FNDC3B: variants seen among roughly 807,000 people sequenced by gnomAD.
FNDC3B encodes fibronectin type III domain-containing protein 3B.
In FNDC3B, 12 loss-of-function variants were observed where a neutral mutation model predicts 151.5. The ratio of observed to expected loss-of-function variants is 0.08; its 90% confidence interval spans 0.05 to 0.13. The LOEUF is 0.13. Among genes scored for constraint, FNDC3B ranks in the 10% least tolerant of loss-of-function variants. The probability of loss-of-function intolerance (pLI) is 1.00; values close to 1 mark genes in which losing one functional copy is unlikely to be tolerated. For missense variants in FNDC3B, 1,214 were observed against 1,505.3 expected (o/e 0.81, Z 3.20); for synonymous variants, 528 against 549.0 (o/e 0.96, Z 0.54).
intron 22 of FNDC3B, among the ~76,000 whole-genome samples, chr3:172,361,729 C>T (rs569855271): frequency 6.6e-6 from 1 of 152,272 alleles, no homozygotes; most frequent in East Asian, 1.9e-4. Flanking sequence ...TTATAGCAAC[C>T]CTCTACTCCT....
chr3:172,391,718 G>C (rs1250482564), intron 25 of FNDC3B, among the ~76,000 whole-genome samples: 1 of 152,178 alleles, frequency 6.6e-6, no homozygotes, highest in Non-Finnish European at 1.5e-5. Context: ...CCACCATAGA[G>C]TGTCAGAATA....
chr3:172,225,867 C>T (rs913693292), intron 3 of FNDC3B: 1 of 152,526 alleles, frequency 6.6e-6, no homozygotes, highest in Non-Finnish European at 1.5e-5. Context: ...TTATGAAAAT[C>T]TGCCTGTTGC....
At chr3:172,265,258 T>C (rs1370496340) in intron 6 of FNDC3B, among the ~76,000 whole-genome samples, 1 of 152,228 alleles carries the variant, frequency 6.6e-6, no homozygotes, top group East Asian at 1.9e-4. Flanking sequence ...AGTATATCTC[T>C]ACTCTGTGTC....
intron 4 of FNDC3B, among the ~76,000 whole-genome samples, chr3:172,227,913 A>G (rs1284206819): frequency 6.6e-6 from 1 of 152,186 alleles, no homozygotes; most frequent in African/African-American, 2.4e-5. Flanking sequence ...AGGGCGAAAA[A>G]TTGGCAGCTA....
chr3:172,127,886 G>T (rs567957460), intron 2 of FNDC3B, among the ~76,000 whole-genome samples: 1 of 152,266 alleles, frequency 6.6e-6, no homozygotes, highest in African/African-American at 2.4e-5. Flanking sequence ...TCTAACTCCT[G>T]ATGTCAAGTG....
At chr3:172,361,041 G>A (rs1000638111) in intron 22 of FNDC3B, among the ~76,000 whole-genome samples, 1 of 152,152 alleles carries the variant, frequency 6.6e-6, no homozygotes, top group African/African-American at 2.4e-5. Flanking sequence ...TGTGGTGCCA[G>A]CATATGCTTC....
chr3:172,211,795 TTGAAGTATTCTGC>T (rs1725744882), intron 3 of FNDC3B, among the ~76,000 whole-genome samples: 1 of 152,282 alleles, frequency 6.6e-6, no homozygotes, highest in African/African-American at 2.4e-5. Flanking sequence ...AAACTCTACA[TTGAAGTATTCTGC>T]TACTTGTTAG....
chr3:172,166,375 G>A (rs1723004751), intron 3 of FNDC3B, among the ~76,000 whole-genome samples: 1 of 152,190 alleles, frequency 6.6e-6, no homozygotes, highest in African/African-American at 2.4e-5. Context: ...TCACAGGATT[G>A]TGTGAGACCA....
chr3:172,191,513 A>G (rs1166360936), intron 3 of FNDC3B, among the ~76,000 whole-genome samples: 1 of 151,974 alleles, frequency 6.6e-6, no homozygotes, highest in Non-Finnish European at 1.5e-5. Context: ...TGTTGTTTTT[A>G]AGAGATGAGG....
intron 6 of FNDC3B, among the ~76,000 whole-genome samples, chr3:172,278,631 C>T (rs1729550990): frequency 6.6e-6 from 1 of 152,122 alleles, no homozygotes; most frequent in African/African-American, 2.4e-5. Context: ...TTCTTAAAAA[C>T]ACTAGCAGCC....
At chr3:172,294,915 C>G (rs888971901) in intron 7 of FNDC3B, among the ~76,000 whole-genome samples, 1 of 152,106 alleles carries the variant, frequency 6.6e-6, no homozygotes, top group African/African-American at 2.4e-5. Flanking sequence ...AGTTTTCCAC[C>G]CATTGGGTTC....
At chr3:172,112,138 A>G (rs1390072269) in intron 1 of FNDC3B, among the ~76,000 whole-genome samples, 1 of 152,238 alleles carries the variant, frequency 6.6e-6, no homozygotes, top group Admixed American at 6.5e-5. Context: ...ATTACAATAA[A>G]TGGAATAAAC....
intron 9 of FNDC3B, among the ~76,000 whole-genome samples, chr3:172,304,707 G>A (rs938866091): frequency 3.3e-5 from 5 of 152,126 alleles, no homozygotes; most frequent in Non-Finnish European, 7.3e-5. Flanking sequence ...GACCAGCCTG[G>A]CCAACGTGGT....
At chr3:172,312,417 TAGTC>T (rs1283992665) in intron 11 of FNDC3B, among the ~76,000 whole-genome samples, 1 of 152,224 alleles carries the variant, frequency 6.6e-6, no homozygotes, top group Non-Finnish European at 1.5e-5. Context: ...GAGGTTTTTA[TAGTC>T]AGTCAGGAAT....
At chr3:172,295,231 T>C (rs1447144546) in intron 7 of FNDC3B, 132 bp from the exon 8 acceptor site, 2 of 814,970 alleles carry the variant, frequency 2.5e-6, no homozygotes, top group Middle Eastern at 2.5e-4. Flanking sequence ...GAGAGCACCA[T>C]ATAAGATGTC....
intron 6 of FNDC3B, among the ~76,000 whole-genome samples, chr3:172,282,772 A>G (rs770238580): frequency 1.3e-5 from 2 of 152,002 alleles, no homozygotes; most frequent in African/African-American, 2.4e-5. Context: ...GGATCCCTAG[A>G]TCTCTATTAA....
chr3:172,068,373 A>T (rs1043608673), intron 1 of FNDC3B, among the ~76,000 whole-genome samples: 1 of 150,280 alleles, frequency 6.7e-6, no homozygotes, highest in Non-Finnish European at 1.5e-5. Context: ...TTAATTTTGT[A>T]GTTCTCCTTC....
chr3:172,271,169 T>A (rs73880135), intron 6 of FNDC3B, among the ~76,000 whole-genome samples: 1,927 of 152,340 alleles, frequency 0.013, 56 homozygotes, highest in African/African-American at 0.045. Context: ...TCCACTATCA[T>A]TAGCTTTTAC....
chr3:172,109,881 G>A (rs1325948728), intron 1 of FNDC3B, among the ~76,000 whole-genome samples: 2 of 152,190 alleles, frequency 1.3e-5, no homozygotes, highest in African/African-American at 2.4e-5. Flanking sequence ...TTTATTTGGG[G>A]GGTAAAATGC....
Sources: gnomAD v4.1 joint callset for allele counts (sites outside exome capture counted in the v4.1 genomes callset) on GRCh38, gnomAD v4.1.1 for gene constraint, MANE v1.5 for transcripts, NCBI Gene and HGNC (gene_info 2026-07-23, HGNC 2026-07-21) for gene names.